Variants in EXOC4 observed in about 807,000 individuals in gnomAD.
The protein encoded by EXOC4 is exocyst complex component 4.
A neutral mutation model predicts 107.2 loss-of-function variants in EXOC4; 71 were observed. That is an observed-to-expected ratio of 0.66 (90% confidence interval 0.55 to 0.81). EXOC4 has a LOEUF of 0.81. Among genes scored for constraint, EXOC4 ranks in the 30% least tolerant of loss-of-function variants. The pLI is 0.00. For synonymous variants in EXOC4, 456 were observed against 441.2 expected (o/e 1.03, Z -0.42); for missense variants, 1,108 against 1,189.6 (o/e 0.93, Z 1.01).
intron 2 of EXOC4, among the ~76,000 whole-genome samples, chr7:133,281,289 AAAATAAAT>A (rs151247639): frequency 2.6e-4 from 39 of 147,710 alleles, no homozygotes; most frequent in Non-Finnish European, 4.3e-4. Flanking sequence ...GTAATAATAA[AAAATAAAT>A]AAATAAATAA....
intron 11 of EXOC4, among the ~76,000 whole-genome samples, chr7:133,844,072 T>G (rs1037494292): frequency 6.6e-6 from 1 of 152,198 alleles, no homozygotes; most frequent in Admixed American, 6.5e-5. Flanking sequence ...TGCTAGTATT[T>G]TGTTGAGGAC....
At chr7:134,027,635 C>T (rs978872832) in intron 17 of EXOC4, among the ~76,000 whole-genome samples, 17 of 130,936 alleles carry the variant, frequency 1.3e-4, no homozygotes, top group Non-Finnish European at 1.7e-4. Flanking sequence ...TCCAGCCTGG[C>T]GACAGAGAGA....
At chr7:133,803,469 C>G (rs1253099989) in intron 10 of EXOC4, among the ~76,000 whole-genome samples, 1 of 152,036 alleles carries the variant, frequency 6.6e-6, no homozygotes, top group Admixed American at 6.6e-5. Context: ...TTGACTCTTG[C>G]TTGGACAGCT....
intron 10 of EXOC4, among the ~76,000 whole-genome samples, chr7:133,688,079 T>A (rs1794344075): frequency 6.6e-6 from 1 of 152,190 alleles, no homozygotes; most frequent in South Asian, 2.1e-4. Context: ...TTCCATGCCA[T>A]TGAACTCAGA....
chr7:133,328,750 T>A (rs1795309006), intron 5 of EXOC4, among the ~76,000 whole-genome samples: 1 of 152,214 alleles, frequency 6.6e-6, no homozygotes, highest in Non-Finnish European at 1.5e-5. Flanking sequence ...ATATTGGCCC[T>A]CACTGTCTTC....
At chr7:134,072,418 G>C in the EXOC4 span, among the ~76,000 whole-genome samples, 10 of 152,186 alleles carry the variant, frequency 6.6e-5, no homozygotes, top group African/African-American at 2.4e-4. Context: ...TTCGAGGCAG[G>C]GTCTCGCTGT....
chr7:133,942,383 G>C (rs760473130), intron 14 of EXOC4, among the ~76,000 whole-genome samples: 5 of 151,400 alleles, frequency 3.3e-5, no homozygotes, highest in Admixed American at 3.3e-4. Context: ...ATAAAATATT[G>C]TAATGCATCC....
chr7:133,591,930 G>A (rs556766748), intron 9 of EXOC4, among the ~76,000 whole-genome samples: 21 of 152,152 alleles, frequency 1.4e-4, no homozygotes, highest in Non-Finnish European at 2.8e-4. Flanking sequence ...AATCTGCTGA[G>A]CTAAACAGTT....
chr7:133,525,342 G>T (rs138953589), intron 9 of EXOC4, among the ~76,000 whole-genome samples: 1 of 152,206 alleles, frequency 6.6e-6, no homozygotes, highest in African/African-American at 2.4e-5. Context: ...CTTTACTTAG[G>T]TTTTATTGTA....
At chr7:133,800,010 T>G (rs1796900336) in intron 10 of EXOC4, among the ~76,000 whole-genome samples, 1 of 147,528 alleles carries the variant, frequency 6.8e-6, no homozygotes, top group African/African-American at 2.5e-5. Flanking sequence ...CATCCATCCT[T>G]TCATCCATCC....
At chr7:133,674,849 G>A (rs1282079685) in intron 10 of EXOC4, among the ~76,000 whole-genome samples, 2 of 152,136 alleles carry the variant, frequency 1.3e-5, no homozygotes, top group Non-Finnish European at 2.9e-5. Context: ...GAGTGGAGAA[G>A]TAACCATCAA....
rs560680857 is a variant in EXOC4, at chr7:133,830,045, A to G, written c.1734+12501A>G. On this transcript the variant is annotated intron_variant, in intron 11 of 17. Coordinates refer to ENST00000253861, the MANE Select transcript of EXOC4 (RefSeq NM_021807.4). ...ATGGATGGTCATATCTGTAGAGTCC[A>G]GAATACCCTGAGTATTCACTTGCAA... Among the ~76,000 whole-genome samples the G allele has an allele frequency of 7.2e-5, 11 of 152,282 alleles. No homozygotes were observed. The East Asian group carries it at 2.1e-3, about 29-fold the overall frequency.
At chr7:133,662,337 A>G (rs1222623259) in intron 10 of EXOC4, among the ~76,000 whole-genome samples, 1 of 152,164 alleles carries the variant, frequency 6.6e-6, no homozygotes, top group Non-Finnish European at 1.5e-5. Context: ...AAAGAAAGCC[A>G]GTTTCGGGAA....
chr7:133,485,960 T>G (rs899555201), intron 9 of EXOC4, among the ~76,000 whole-genome samples: 1 of 152,228 alleles, frequency 6.6e-6, no homozygotes, highest in Admixed American at 6.5e-5. Flanking sequence ...TGTTTTCTTT[T>G]CTATCTCGGG....
chr7:133,427,349 T>A (rs1797749971), intron 7 of EXOC4, among the ~76,000 whole-genome samples: 1 of 152,226 alleles, frequency 6.6e-6, no homozygotes, highest in African/African-American at 2.4e-5. Context: ...GCTCAGGCAT[T>A]GACATCACCT....
intron 10 of EXOC4, among the ~76,000 whole-genome samples, chr7:133,787,335 TTGTGTGTGTGTGTGTGTG>T (rs757017206): frequency 4.4e-5 from 5 of 113,826 alleles, no homozygotes; most frequent in African/African-American, 6.5e-5. Flanking sequence ...ATAGGCTAAT[TTGTGTGTGTGTGTGTGTG>T]TGTGTGTGTG....
intron 10 of EXOC4, among the ~76,000 whole-genome samples, chr7:133,651,798 C>T (rs1425918550): frequency 6.6e-6 from 1 of 152,150 alleles, no homozygotes; most frequent in African/African-American, 2.4e-5. Flanking sequence ...GATTCTCACG[C>T]CTCAGCCTCC....
chr7:133,943,948 G>A (rs7459333), intron 14 of EXOC4, among the ~76,000 whole-genome samples: 81,678 of 151,886 alleles, frequency 0.54, 23,240 homozygotes, highest in Admixed American at 0.65. Flanking sequence ...TAATGTCAAT[G>A]TATCCATGGT....
At chr7:133,936,041 C>A (rs1439878636) in intron 13 of EXOC4, among the ~76,000 whole-genome samples, 1 of 152,186 alleles carries the variant, frequency 6.6e-6, no homozygotes, top group Non-Finnish European at 1.5e-5. Context: ...ACTTTGAAGT[C>A]TGTGTCCCAC....
Sources: gnomAD v4.1 joint callset for allele counts (sites outside exome capture counted in the v4.1 genomes callset) on GRCh38, gnomAD v4.1.1 for gene constraint, MANE v1.5 for transcripts, NCBI Gene and HGNC (gene_info 2026-07-23, HGNC 2026-07-21) for gene names.